Variants in HYDIN observed in about 807,000 individuals in gnomAD.
HYDIN encodes HYDIN axonemal central pair apparatus protein, also known as axonemal central pair apparatus protein HYDIN.
Under a neutral mutation model 403.9 loss-of-function variants are expected in HYDIN, and 132 were observed. That is an observed-to-expected ratio of 0.33 (90% CI 0.28 to 0.38). The LOEUF is 0.38. HYDIN is among the 10% of genes least tolerant of loss of function. The pLI is 1.00. For synonymous variants in HYDIN, 1,202 were observed against 1,891.7 expected (o/e 0.64, Z 9.46); for missense variants, 2,827 against 5,009.5 (o/e 0.56, Z 13.15).
intron 18 of HYDIN, among the ~76,000 whole-genome samples, chr16:71,036,123 C>T: frequency 6.6e-6 from 1 of 152,194 alleles, no homozygotes; most frequent in Non-Finnish European, 1.5e-5. Context: ...TCTCCCAGAT[C>T]TCAGATTTTG....
At chr16:71,030,575 C>G (rs529059299) in intron 19 of HYDIN, among the ~76,000 whole-genome samples, 1 of 151,712 alleles carries the variant, frequency 6.6e-6, no homozygotes, top group Non-Finnish European at 1.5e-5. Flanking sequence ...TGGGACTACA[C>G]GCACCTGCCA....
At chr16:71,224,602 C>G (rs540738305) in intron 1 of HYDIN, among the ~76,000 whole-genome samples, 77 of 143,066 alleles carry the variant, frequency 5.4e-4, no homozygotes, top group Non-Finnish European at 1.8e-4. Flanking sequence ...CGCTCTGTCG[C>G]CCAGGCTGGA....
chr16:71,176,006 A>C, intron 4 of HYDIN: 1 of 447,902 alleles, frequency 2.2e-6, no homozygotes, highest in Non-Finnish European at 4.1e-6. Context: ...TTAAAATTAA[A>C]TCATTTAAAA....
chr16:70,975,116 A>G lies in HYDIN; in HGVS notation c.4772+20T>C. 1 of 479,408 alleles carries G rather than the reference A, an allele frequency of 2.1e-6. No homozygotes were observed. The highest frequency in any genetic ancestry group is 3.6e-6 in the Non-Finnish European group (1 of 275,342). The allele number at this position is 479,408 out of a possible 1,614,324, so 29.7% of individuals were successfully genotyped here. ...TGAAACAAGCACAGCACAGAAAGGC[A>G]GTCACTGGAAACCACTCACTTGGCC... On this transcript the variant is annotated intron_variant, in intron 31 of 85. Transcript: ENST00000393567.
chr16:70,999,076 T>C (rs1376678809), intron 23 of HYDIN, among the ~76,000 whole-genome samples: 1 of 150,740 alleles, frequency 6.6e-6, no homozygotes, highest in Admixed American at 6.5e-5. Context: ...AGGCTGAAAC[T>C]CAAGTTACTC....
chr16:71,207,505 C>A (rs2088361204), intron 1 of HYDIN, among the ~76,000 whole-genome samples: 1 of 152,142 alleles, frequency 6.6e-6, no homozygotes, highest in African/African-American at 2.4e-5. Flanking sequence ...TATAAAGCAA[C>A]CACACAAACA....
chr16:70,990,157 A>C (rs2144040726), intron 25 of HYDIN, among the ~76,000 whole-genome samples: 1 of 152,084 alleles, frequency 6.6e-6, no homozygotes, highest in East Asian at 1.9e-4. Flanking sequence ...GGACTTTGGG[A>C]GGCTGAGGCA....
At chr16:71,205,041 C>T (rs1384665627) in intron 1 of HYDIN, among the ~76,000 whole-genome samples, 1 of 152,170 alleles carries the variant, frequency 6.6e-6, no homozygotes, top group Non-Finnish European at 1.5e-5. Context: ...CCTAGAACAC[C>T]ATAGTCACTT....
At chr16:70,896,638 G>A (rs1016637281) in intron 53 of HYDIN, among the ~76,000 whole-genome samples, 5 of 149,016 alleles carry the variant, frequency 3.4e-5, no homozygotes, top group Non-Finnish European at 7.4e-5. Context: ...TTATAGATGT[G>A]AGCCATCATG....
intron 6 of HYDIN, among the ~76,000 whole-genome samples, chr16:71,153,469 G>A (rs534941548): frequency 6.6e-6 from 1 of 151,948 alleles, no homozygotes; most frequent in African/African-American, 2.4e-5. Context: ...AAAACCGCAA[G>A]GAGAGGCCTA....
chr16:70,964,682 C>CA (rs2078519443), intron 37 of HYDIN, 46 bp downstream of exon 37: 1 of 1,594,260 alleles, frequency 6.3e-7, no homozygotes, highest in African/African-American at 1.3e-5. Flanking sequence ...TTCAGAGGGG[C>CA]AAAGGCAATG....
At chr16:71,199,413 G>T (rs1598012020) in intron 1 of HYDIN, among the ~76,000 whole-genome samples, 1 of 152,082 alleles carries the variant, frequency 6.6e-6, no homozygotes, top group East Asian at 1.9e-4. Flanking sequence ...GCAGGCTCTG[G>T]TCATCAATCC....
chr16:70,877,804 A>G (rs1201979833), intron 62 of HYDIN, among the ~76,000 whole-genome samples: 2 of 152,162 alleles, frequency 1.3e-5, no homozygotes, highest in African/African-American at 4.8e-5. Flanking sequence ...TTAGGCTTAT[A>G]GCTGACAACT....
chr16:70,837,796 G>A lies in HYDIN; in HGVS notation c.13136C>T (p.Thr4379Ile), dbSNP rs758207549. 30 of 1,613,838 alleles carry A rather than the reference G, an allele frequency of 1.9e-5. No individual in the cohort carries two copies. Among genetic ancestry groups the A allele is most frequent in the Non-Finnish European group, 4.2e-6 (5 of 1,179,868 alleles). Residue 4379 changes from threonine to isoleucine, a missense_variant, in exon 77 of 86, where the codon ACT becomes ATT. Coordinates refer to ENST00000393567, the MANE Select transcript of HYDIN (RefSeq NM_001270974.2). Reference sequence around the variant, plus strand: ...GTTGATACTTTCTCGAGGATAAAAAGTTATTGGAATCTCCAATGTGTTTCC... The same window carrying A: ...GTTGATACTTTCTCGAGGATAAAAAATTATTGGAATCTCCAATGTGTTTCC... ...KPGNTLEIPI[T>I]FYPRESINYQ... is the part of the protein sequence containing the mutation.
intron 47 of HYDIN, among the ~76,000 whole-genome samples, chr16:70,911,836 GTA>G (rs2076706007): frequency 6.7e-6 from 1 of 149,366 alleles, no homozygotes; most frequent in East Asian, 1.9e-4. Context: ...CCTTGGTTAG[GTA>G]TATTCCTAAG....
intron 5 of HYDIN, among the ~76,000 whole-genome samples, chr16:71,172,804 C>G (rs3114611): frequency 0.99 from 151,100 of 152,362 alleles, 74,927 homozygotes; most frequent in Middle Eastern, 1. Context: ...AGAGTGTTCA[C>G]ATCAGCAGGG....
chr16:70,998,665 G>A (rs1251572032), intron 23 of HYDIN, among the ~76,000 whole-genome samples: 1 of 138,454 alleles, frequency 7.2e-6, no homozygotes. Flanking sequence ...TCTACACATC[G>A]CAAATCTGCT....
intron 3 of HYDIN, among the ~76,000 whole-genome samples, chr16:71,183,500 A>G (rs1237988414): frequency 6.6e-6 from 1 of 152,138 alleles, no homozygotes; most frequent in Admixed American, 6.6e-5. Context: ...AATAATAACA[A>G]ACAATCTTTG....
intron 75 of HYDIN, among the ~76,000 whole-genome samples, chr16:70,840,890 T>C (rs58083377): frequency 0.019 from 2,952 of 152,134 alleles, 46 homozygotes; most frequent in Middle Eastern, 0.088. Context: ...CACAAGGTAA[T>C]ATGTGACTCA....
Sources: allele counts gnomAD v4.1 joint callset (sites outside exome capture counted in the v4.1 genomes callset), GRCh38; gene constraint gnomAD v4.1.1; transcripts MANE v1.5; gene names NCBI Gene and HGNC (gene_info 2026-07-23, HGNC 2026-07-21).